Variants in FMN1 observed in about 807,000 individuals in gnomAD.
FMN1 encodes the protein formin 1.
A neutral mutation model predicts 132.4 loss-of-function variants in FMN1; 110 were observed. The ratio of observed to expected loss-of-function variants is 0.83; its 90% CI spans 0.71 to 0.97. The LOEUF (loss-of-function observed/expected upper bound fraction) is 0.97, where lower values mean the gene tolerates loss of function less well. Among genes scored for constraint, FMN1 ranks in the 50% least tolerant of loss-of-function variants. FMN1 has a pLI of 0.00. For missense variants in FMN1, 1,792 were observed against 1,705.3 expected, an observed-to-expected ratio of 1.05 and a Z score of -0.90; for synonymous variants, 722 against 651.7, an observed-to-expected ratio of 1.11 and a Z score of -1.64.
chr15:33,062,495 G>A (rs912814634), intron 6 of FMN1, among the ~76,000 whole-genome samples: 4 of 152,072 alleles, frequency 2.6e-5, no homozygotes, highest in African/African-American at 4.8e-5. Flanking sequence ...GGTGGCGGGC[G>A]CCTGTAGTCC....
intron 16 of FMN1, among the ~76,000 whole-genome samples, chr15:32,866,465 A>G (rs1217753623): frequency 3.3e-5 from 5 of 152,232 alleles, no homozygotes; most frequent in African/African-American, 1.2e-4. Flanking sequence ...TAAATAATCA[A>G]ACAGTAGAAA....
intron 20 of FMN1, among the ~76,000 whole-genome samples, 190 bp downstream of exon 20, chr15:32,776,645 A>T (rs1258270990): frequency 6.6e-6 from 1 of 152,038 alleles, no homozygotes; most frequent in Non-Finnish European, 1.5e-5. Context: ...AGTTTACAGG[A>T]AAAACATATA....
At chr15:32,987,512 G>C (rs1293383079) in intron 7 of FMN1, among the ~76,000 whole-genome samples, 1 of 152,120 alleles carries the variant, frequency 6.6e-6, no homozygotes, top group Non-Finnish European at 1.5e-5. Context: ...GCCTGTCCTT[G>C]AACATAACAC....
At chr15:33,187,597 G>A (rs1365963021) in intron 2 of FMN1, among the ~76,000 whole-genome samples, 4 of 152,162 alleles carry the variant, frequency 2.6e-5, no homozygotes, top group African/African-American at 9.7e-5. Flanking sequence ...GCTCCAATGG[G>A]ACACAGCCAC....
chr15:32,877,330 T>G (rs879409514), intron 16 of FMN1, among the ~76,000 whole-genome samples: 3 of 151,788 alleles, frequency 2.0e-5, no homozygotes, highest in Admixed American at 6.6e-5. Flanking sequence ...CACAAGAATT[T>G]TTGAGGCATG....
intron 19 of FMN1, among the ~76,000 whole-genome samples, chr15:32,778,286 A>G (rs1333374454): frequency 2.1e-5 from 3 of 144,840 alleles, no homozygotes; most frequent in Non-Finnish European, 4.5e-5. Flanking sequence ...TTATATATAT[A>G]TATATTTTTT....
At chr15:32,930,842 C>T (rs1307124201) in intron 9 of FMN1, among the ~76,000 whole-genome samples, 1 of 151,992 alleles carries the variant, frequency 6.6e-6, no homozygotes, top group African/African-American at 2.4e-5. Flanking sequence ...ATTTAAGTTT[C>T]TAATCTATTT....
intron 4 of FMN1, among the ~76,000 whole-genome samples, chr15:33,142,139 C>T (rs990171368): frequency 2.0e-5 from 3 of 152,186 alleles, no homozygotes; most frequent in Non-Finnish European, 4.4e-5. Context: ...ACTCCAGATT[C>T]ATCAGACTCT....
chr15:33,025,990 GAA>G (rs1240340589), intron 6 of FMN1, among the ~76,000 whole-genome samples: 2 of 151,608 alleles, frequency 1.3e-5, no homozygotes, highest in African/African-American at 4.9e-5. Flanking sequence ...AATTGGAAAA[GAA>G]GAGATAAAAC....
At chr15:33,026,564 C>T (rs1181751869) in intron 6 of FMN1, among the ~76,000 whole-genome samples, 1 of 152,128 alleles carries the variant, frequency 6.6e-6, no homozygotes, top group East Asian at 1.9e-4. Context: ...TCATATAATA[C>T]ATATATGATT....
At chr15:33,052,635 G>A (rs1441669297) in intron 6 of FMN1, among the ~76,000 whole-genome samples, 2 of 152,156 alleles carry the variant, frequency 1.3e-5, no homozygotes, top group African/African-American at 4.8e-5. Context: ...AGTGACAGGA[G>A]GCAGCCAAAT....
intron 5 of FMN1, chr15:33,066,831 C>T: frequency 6.2e-7 from 1 of 1,613,942 alleles, no homozygotes; most frequent in South Asian, 1.1e-5. Context: ...TTGGGCATGT[C>T]AATGTTGAGC....
chr15:32,947,758 C>T (rs1162139574), intron 9 of FMN1, among the ~76,000 whole-genome samples: 3 of 152,022 alleles, frequency 2.0e-5, no homozygotes, highest in African/African-American at 7.2e-5. Context: ...TTATGTCCCT[C>T]TAATGGTATC....
At chr15:33,027,066 C>T (rs994233417) in intron 6 of FMN1, among the ~76,000 whole-genome samples, 1 of 151,794 alleles carries the variant, frequency 6.6e-6, no homozygotes, top group African/African-American at 2.4e-5. Context: ...GAAAGCCTAA[C>T]AGACATATTT....
At chr15:32,910,155 C>T (rs116429565) in intron 11 of FMN1, among the ~76,000 whole-genome samples, 9,671 of 152,278 alleles carry the variant, frequency 0.064, 444 homozygotes, top group Middle Eastern at 0.15. Flanking sequence ...CCAGTGCACG[C>T]TATCATTTCA....
intron 16 of FMN1, among the ~76,000 whole-genome samples, chr15:32,864,619 CAGTTGTCCATTCA>C (rs2059350182): frequency 6.6e-6 from 1 of 152,192 alleles, no homozygotes; most frequent in Admixed American, 6.5e-5. Flanking sequence ...TCCGAATTCC[CAGTTGTCCATTCA>C]AGTTAAAACA....
At chr15:32,855,178 A>AAAAAG (rs1567276313) in intron 17 of FMN1, among the ~76,000 whole-genome samples, 3 of 148,978 alleles carry the variant, frequency 2.0e-5, no homozygotes, top group Non-Finnish European at 1.5e-5. Context: ...AAAAAAAAAA[A>AAAAAG]AAAAGAAAAA....
chr15:32,991,465 G>T (rs1054557289), intron 7 of FMN1, among the ~76,000 whole-genome samples: 1 of 152,130 alleles, frequency 6.6e-6, no homozygotes, highest in African/African-American at 2.4e-5. Flanking sequence ...GAAGGTAGGA[G>T]CCCCAAATTC....
intron 10 of FMN1, among the ~76,000 whole-genome samples, chr15:32,914,505 G>A (rs1486085243): frequency 6.6e-6 from 1 of 152,202 alleles, no homozygotes; most frequent in African/African-American, 2.4e-5. Context: ...GTAAAACCTT[G>A]TAGAATTTTG....
Sources: allele counts gnomAD v4.1 joint callset (sites outside exome capture counted in the v4.1 genomes callset), GRCh38; gene constraint gnomAD v4.1.1; transcripts MANE v1.5; gene names NCBI Gene and HGNC (gene_info 2026-07-23, HGNC 2026-07-21).